Variants in CSDE1 observed in about 807,000 individuals in gnomAD.
CSDE1 encodes the protein cold shock domain containing E1, also known as cold shock domain-containing protein E1.
Under a neutral mutation model 89.3 loss-of-function variants are expected in CSDE1, and 17 were observed. The ratio of observed to expected loss-of-function variants is 0.19; its 90% confidence interval spans 0.13 to 0.29. The LOEUF (loss-of-function observed/expected upper bound fraction) is 0.29, where lower values mean the gene tolerates loss of function less well. Ranked by LOEUF, CSDE1 falls within the 10% of genes least tolerant of loss-of-function variation. CSDE1 has a pLI of 1.00. For synonymous variants in CSDE1, 322 were observed against 332.8 expected (o/e 0.97, Z 0.35); for missense variants, 672 against 984.2 (o/e 0.68, Z 4.24).
At chr1:114,734,556 G>A (rs1057302921) in intron 6 of CSDE1, 33 bp from the exon 7 acceptor site, 11 of 1,556,478 alleles carry the variant, frequency 7.1e-6, no homozygotes, top group East Asian at 2.3e-5. Flanking sequence ...GAGGAGGAAT[G>A]AAACAGGGAT....
chr1:114,734,625 A>C, intron 6 of CSDE1, 102 bp from the exon 7 acceptor site: 1 of 804,150 alleles, frequency 1.2e-6, no homozygotes, highest in Non-Finnish European at 2.0e-6. Context: ...CTGGGGCTTT[A>C]AGAATTCTAT....
rs1332340462 is a variant in CSDE1 at position 114,730,282 on chromosome 1, A to G, written c.1332T>C (p.Thr444=). 1 of 1,613,848 alleles carries G rather than the reference A, an allele frequency of 6.2e-7. No homozygotes were observed. Among genetic ancestry groups the G allele is most frequent in the African/African-American group, 1.3e-5 (1 of 75,010 alleles). ...CCTTCTCTTTGCCTTTATTTGGGCTAGTGGTTTTAGGATTGGAAAAAGTGG... is the reference window on the plus strand; with the variant it reads ...CCTTCTCTTTGCCTTTATTTGGGCTGGTGGTTTTAGGATTGGAAAAAGTGG... The part of the protein sequence containing the change: ...KEATFSNPKT[T]SPNKGKEKEA... The change falls in exon 12 of 20, where the codon ACT becomes ACC. Residue 444 remains threonine, a synonymous_variant. Transcript: ENST00000358528.
chr1:114,752,621 C>T lies in CSDE1; in HGVS notation c.-387-2414G>A, dbSNP rs554826990. On this transcript the variant is annotated intron_variant, in intron 1 of 19. Transcript: ENST00000358528. ...CCTCGCCTAATCCTTAAACACAACTCTTGGGAGATTCCTGAATTCTAGCCA... is the reference window on the plus strand; with the variant it reads ...CCTCGCCTAATCCTTAAACACAACTTTTGGGAGATTCCTGAATTCTAGCCA... Among the ~76,000 whole-genome samples the T allele has an allele frequency of 3.9e-5, 6 of 152,294 alleles. No homozygotes were observed. The South Asian group carries it at 1.2e-3, about 32-fold the overall frequency.
intron 7 of CSDE1, 96 bp from the exon 8 acceptor site, chr1:114,734,213 G>T: frequency 7.3e-7 from 1 of 1,362,808 alleles, no homozygotes; most frequent in Non-Finnish European, 1.0e-6. Context: ...TTATACTGTA[G>T]TCACAATAAT....
At chr1:114,735,863 T>G (rs1422008051) in intron 6 of CSDE1, among the ~76,000 whole-genome samples, 3 of 152,188 alleles carry the variant, frequency 2.0e-5, no homozygotes, top group African/African-American at 7.2e-5. Context: ...CTCTATATAC[T>G]TCCCCTATAG....
chr1:114,733,685 T>A, intron 9 of CSDE1, 47 bp downstream of exon 9: 3 of 1,550,764 alleles, frequency 1.9e-6, no homozygotes, highest in Non-Finnish European at 2.6e-6. Context: ...CATATTATTC[T>A]ATTACTACTG....
chr1:114,747,389 C>T (rs1379880084), intron 2 of CSDE1, among the ~76,000 whole-genome samples: 1 of 152,156 alleles, frequency 6.6e-6, no homozygotes, highest in African/African-American at 2.4e-5. Context: ...TAATCTTCAT[C>T]CCAATTGTGG....
chr1:114,746,980 G>C (rs1466482316), intron 2 of CSDE1: 1 of 151,990 alleles, frequency 6.6e-6, no homozygotes, highest in African/African-American at 2.4e-5. Flanking sequence ...CACTCATCTG[G>C]GGCCTCAGTT....
At chr1:114,740,662 A>G (rs1250931212) in intron 2 of CSDE1, among the ~76,000 whole-genome samples, 1 of 152,232 alleles carries the variant, frequency 6.6e-6, no homozygotes, top group African/African-American at 2.4e-5. Flanking sequence ...AGCTATTTAA[A>G]AGCAATATAA....
In CSDE1 at chr1:114,717,044, AAACGAC is replaced by A. The variant is rs1230866619; in HGVS notation, c.*1119_*1124del. 2.0e-5 allele frequency: 3 copies of A among 152,756 alleles called. No homozygotes were observed. Among genetic ancestry groups the A allele is most frequent in the Non-Finnish European group, 4.4e-5 (3 of 68,106 alleles). The allele number at this position is 152,756 out of a possible 1,614,324, so 9.5% of individuals were successfully genotyped here. A position where few individuals can be genotyped will look rare whatever the true frequency, so the allele number is the denominator to read the frequency against. On this transcript the variant is annotated 3_prime_UTR_variant, in exon 20 of 20. Coordinates refer to ENST00000358528, the MANE Select transcript of CSDE1 (RefSeq NM_001007553.3). Reference sequence around the variant, plus strand: ...CTCTTTACCCAGAGATCAAAACCTCAAACGACAAGGGGGAAGATAAAACCGCCCTCC... The same window carrying A: ...CTCTTTACCCAGAGATCAAAACCTCAAAGGGGGAAGATAAAACCGCCCTCC...
intron 14 of CSDE1, among the ~76,000 whole-genome samples, chr1:114,725,744 T>C (rs965742286): frequency 1.3e-5 from 2 of 152,172 alleles, no homozygotes; most frequent in Non-Finnish European, 1.5e-5. Flanking sequence ...CAAGTGGTCC[T>C]CCCACATCAG....
In CSDE1 at chr1:114,717,526, T is replaced by C. The variant is rs1659253229; in HGVS notation, c.*643A>G. ...CCCCAACCCACGAAAAAAAACCTACTCTGGAAGAAAATTTTCACTGAAATA... is the reference window on the plus strand; with the variant it reads ...CCCCAACCCACGAAAAAAAACCTACCCTGGAAGAAAATTTTCACTGAAATA... On this transcript the variant is annotated 3_prime_UTR_variant, in exon 20 of 20. Transcript: ENST00000358528. 6.6e-6 allele frequency: 1 copy of C among 152,542 alleles called. No homozygotes were observed. Among genetic ancestry groups the C allele is most frequent in the African/African-American group, 2.4e-5 (1 of 41,420 alleles). The allele number at this position is 152,542 out of a possible 1,614,324, so 9.4% of individuals were successfully genotyped here. A position where few individuals can be genotyped will look rare whatever the true frequency, so the allele number is the denominator to read the frequency against.
intron 10 of CSDE1, among the ~76,000 whole-genome samples, chr1:114,731,485 TA>T (rs890432649): frequency 6.6e-6 from 1 of 152,008 alleles, no homozygotes; most frequent in East Asian, 1.9e-4. Flanking sequence ...GGCAAAGGAT[TA>T]AAAAAAACTC....
intron 10 of CSDE1, 23 bp from the exon 11 acceptor site, chr1:114,730,671 A>G (rs1165686688): frequency 6.2e-7 from 1 of 1,610,480 alleles, no homozygotes; most frequent in East Asian, 2.2e-5. Context: ...TAATATTTTC[A>G]CTGGCTGTGA....
At chr1:114,751,987 AGGTGAGTT>A (rs1661333646) in intron 1 of CSDE1, among the ~76,000 whole-genome samples, 1 of 152,202 alleles carries the variant, frequency 6.6e-6, no homozygotes, top group Non-Finnish European at 1.5e-5. Context: ...AATTTTGGCC[AGGTGAGTT>A]GGCTCACGCC....
chr1:114,750,254 T>C (rs1233252559), intron 1 of CSDE1, 47 bp from the exon 2 acceptor site: 1 of 152,264 alleles, frequency 6.6e-6, no homozygotes, highest in East Asian at 1.9e-4. Flanking sequence ...CATAAAATAA[T>C]CAGGGACAGT....
intron 18 of CSDE1, 133 bp downstream of exon 18, chr1:114,719,446 C>A: frequency 1.0e-6 from 1 of 956,502 alleles, no homozygotes; most frequent in East Asian, 2.7e-5. Flanking sequence ...TTGTATTCAA[C>A]TAGAAGTAGG....
intron 3 of CSDE1, among the ~76,000 whole-genome samples, chr1:114,739,424 T>C (rs756042483): frequency 1.9e-4 from 29 of 152,214 alleles, no homozygotes; most frequent in Non-Finnish European, 3.4e-4. Context: ...AAAAGTTCAA[T>C]ATTCGTACTG....
Position 114,717,936 on chromosome 1 carries a change from AGGC to A in CSDE1, c.*230_*232del. The A allele has an allele frequency of 2.0e-6, 1 of 502,630 alleles. No homozygotes were observed. The highest frequency in any genetic ancestry group is 3.5e-6 in the Non-Finnish European group (1 of 285,410). 31.1% of individuals were successfully genotyped at this position (502,630 alleles called of 1,614,324 possible). ...TAAAGCTCCTAAAATTGATACTATAAGGCGCCACCTTAAGTTTTTCCAGGCTGC... is the reference window on the plus strand; with the variant it reads ...TAAAGCTCCTAAAATTGATACTATAAGCCACCTTAAGTTTTTCCAGGCTGC... On this transcript the variant is annotated 3_prime_UTR_variant, in exon 20 of 20. Coordinates refer to ENST00000358528, the MANE Select transcript of CSDE1 (RefSeq NM_001007553.3).
Sources: allele counts gnomAD v4.1 joint callset (sites outside exome capture counted in the v4.1 genomes callset), GRCh38; gene constraint gnomAD v4.1.1; transcripts MANE v1.5; gene names NCBI Gene and HGNC (gene_info 2026-07-23, HGNC 2026-07-21).